SON: variants seen among roughly 807,000 people sequenced by gnomAD.
SON encodes the protein protein SON.
A neutral mutation model predicts 173.3 loss-of-function variants in SON; 4 were observed. That is an observed-to-expected ratio of 0.02 (90% CI 0.01 to 0.05). SON has a LOEUF of 0.05. Among genes scored for constraint, SON ranks in the 10% least tolerant of loss-of-function variants. The pLI is 1.00. For synonymous variants in SON, 1,190 were observed against 1,105.9 expected (o/e 1.08, Z -1.51); for missense variants, 2,626 against 3,055.3 (o/e 0.86, Z 3.31).
In SON at chr21:33,554,901, G is replaced by T; in HGVS notation, c.5670G>T (p.Lys1890Asn). 6.2e-7 allele frequency: 1 copy of T among 1,614,128 alleles called. No homozygotes were observed. ...SRGRRSVSKE[K>N]RKRSPKHRSK... ...GAAGAAGATCTGTATCAAAAGAGAA[G>T]CGCAAAAGATCTCCAAAGCACAGAT... Residue 1890 changes from lysine (K) to asparagine (N), a missense_variant, in exon 3 of 12, where the codon AAG (lysine) becomes AAT (asparagine). Transcript: ENST00000356577.
chr21:33,568,452 C>T (rs1225686367), intron 7 of SON, among the ~76,000 whole-genome samples: 1 of 152,186 alleles, frequency 6.6e-6, no homozygotes, highest in Non-Finnish European at 1.5e-5. Context: ...GCAGACATCG[C>T]ACCATTGCAC....
At chr21:33,544,701 A>G (rs1479383142) in intron 1 of SON, among the ~76,000 whole-genome samples, 2 of 152,300 alleles carry the variant, frequency 1.3e-5, no homozygotes, top group Non-Finnish European at 2.9e-5. Flanking sequence ...ACTGTTGCAT[A>G]TTTAGGTGGT....
chr21:33,567,453 GTTTA>G, intron 7 of SON, 186 bp downstream of exon 7: 1 of 579,230 alleles, frequency 1.7e-6, no homozygotes, highest in Non-Finnish European at 3.2e-6. Flanking sequence ...TTCAATAAAT[GTTTA>G]TTGTTTACTA....
At chr21:33,561,936 G>A (rs546145070) in intron 6 of SON, among the ~76,000 whole-genome samples, 5 of 152,206 alleles carry the variant, frequency 3.3e-5, no homozygotes, top group South Asian at 4.1e-4. Context: ...CTTGTGGGAC[G>A]ATATATGTAA....
rs768869880 is a variant in SON at position 33,553,348 on chromosome 21, G to C, written c.4117G>C (p.Val1373Leu). Residue 1373 changes from valine (V) to leucine (L), a missense_variant, in exon 3 of 12, where the codon GTG becomes CTG. Val to Leu is a conservative substitution (Grantham distance 32, BLOSUM62 1). This residue lies in a region of SON where 1,006 missense variants were observed against 895.6 expected (regional missense o/e 1.12). Coordinates refer to ENST00000356577, the MANE Select transcript of SON (RefSeq NM_138927.4). ...TGTGACCGTCCTGGAGTCTTCGACT[G>C]TGACTGTCCTGGAGTCTTCGACTGT... Reference protein sequence around the residue: ...SAVTVLESSTVTVLESSTVTV... With the variant: ...SAVTVLESSTLTVLESSTVTV... 1.9e-6 allele frequency: 3 copies of C among 1,585,924 alleles called. No homozygotes were observed. The Admixed American group carries it at 5.0e-5, about 27-fold the overall frequency.
At chr21:33,545,396 A>G (rs2085591083) in intron 1 of SON, among the ~76,000 whole-genome samples, 1 of 152,218 alleles carries the variant, frequency 6.6e-6, no homozygotes, top group African/African-American at 2.4e-5. Context: ...GTAGTGGAGC[A>G]TAATTGATGT....
At chr21:33,572,862 G>A (rs1290269162) in intron 8 of SON, among the ~76,000 whole-genome samples, 2 of 151,520 alleles carry the variant, frequency 1.3e-5, no homozygotes, top group African/African-American at 4.9e-5. Context: ...GATGACAACA[G>A]TATGCTTCTT....
rs753825067 is a variant in SON, at chr21:33,555,014, G to A, written c.5783G>A (p.Arg1928Gln). 17 of 1,613,158 alleles carry A rather than the reference G, an allele frequency of 1.1e-5. No individual in the cohort carries two copies. Among genetic ancestry groups the A allele is most frequent in the Admixed American group, 1.7e-5 (1 of 59,996 alleles). ...GCTCGAAGTCGAACCCCAAGTCGTC[G>A]GAGTCGGAGTCATACTCCAAGTCGT... is the stretch of plus-strand genomic sequence containing the variant. The part of the protein sequence containing the change: ...VRARSRTPSR[R>Q]SRSHTPSRRR... Residue 1928 changes from arginine to glutamine, a missense_variant, in exon 3 of 12, where the codon CGG becomes CAG. This residue lies in a region of SON where 138 missense variants were observed against 222.9 expected (regional missense o/e 0.62). Coordinates refer to ENST00000356577, the MANE Select transcript of SON (RefSeq NM_138927.4).
rs1219108108 is a variant in SON, at chr21:33,549,638, C to G, written c.407C>G (p.Ser136Cys). The change falls in exon 3 of 12, where the codon TCT becomes TGT. Residue 136 changes from serine to cysteine, a missense_variant. Around this residue, in one of 13 missense-constraint regions of SON, gnomAD observed 757 missense variants for 730.1 expected, o/e 1.04. Coordinates refer to ENST00000356577, the MANE Select transcript of SON (RefSeq NM_138927.4). ...AAATATAAAAGACAGCCAGAAGAAT[C>G]TGAGTCAAAGACGAAATCTCATGAT... ...EKKYKRQPEESESKTKSHDDG... is the reference protein window; with the variant it reads ...EKKYKRQPEECESKTKSHDDG... 1 of 1,608,038 alleles carries G rather than the reference C, an allele frequency of 6.2e-7. No homozygotes were observed. Among genetic ancestry groups the G allele is most frequent in the Non-Finnish European group, 8.5e-7 (1 of 1,178,376 alleles).
At chr21:33,557,697 C>G in intron 4 of SON, 1 of 1,451,316 alleles carries the variant, frequency 6.9e-7, no homozygotes, top group Non-Finnish European at 9.1e-7. Flanking sequence ...CGCAAAGACA[C>G]AGACAATCTT....
chr21:33,546,502 G>C (rs1172428020), intron 2 of SON, 123 bp downstream of exon 2: 1 of 756,742 alleles, frequency 1.3e-6, no homozygotes, highest in African/African-American at 1.8e-5. Context: ...ACTTTAGGCT[G>C]GGTGCGATGG....
Position 33,559,974 on chromosome 21 carries a change from A to G in SON, c.6657+199A>G, listed in dbSNP as rs1486380591. ...CGATGCAATTCACTTTGTGGAACCA[A>G]GCCACAAAGTGAAAAGCATCGAATT... is the stretch of plus-strand genomic sequence containing the variant. On this transcript the variant is annotated intron_variant, in intron 6 of 11. Coordinates refer to ENST00000356577, the MANE Select transcript of SON (RefSeq NM_138927.4). The surrounding 1 kb of genome is among the most constrained non-coding windows in gnomAD (Gnocchi z 4.1). 2 of 1,614,128 alleles carry G rather than the reference A, an allele frequency of 1.2e-6. No homozygotes were observed. Among genetic ancestry groups the G allele is most frequent in the African/African-American group, 1.3e-5 (1 of 75,052 alleles).
At chr21:33,568,327 G>A (rs1437944032) in intron 7 of SON, among the ~76,000 whole-genome samples, 3 of 152,096 alleles carry the variant, frequency 2.0e-5, no homozygotes, top group Non-Finnish European at 2.9e-5. Flanking sequence ...ACCCTGTCTC[G>A]ACTAAAAATA....
Position 33,554,631 on chromosome 21 carries a change from C to T in SON, c.5400C>T (p.His1800=), listed in dbSNP as rs201359372. 5.1e-5 allele frequency: 82 copies of T among 1,612,196 alleles called. No homozygotes were observed. Among genetic ancestry groups the T allele is most frequent in the Middle Eastern group, 1.6e-4 (1 of 6,076 alleles). Residue 1800 remains histidine (H), a synonymous_variant, in exon 3 of 12, where the codon CAC becomes CAT. Coordinates refer to ENST00000356577, the MANE Select transcript of SON (RefSeq NM_138927.4). ...TTTTTGTAAAAGTTAAGGACACTCA[C>T]GAAAAAAGCAAGAAAAATAAGAACC... ...YEIFVKVKDT[H]EKSKKNKNRD... is the part of the protein sequence containing the mutation.
At position 33,552,568 on chromosome 21, in the gene SON, T is replaced by C. The variant is rs773602109; in HGVS notation, c.3337T>C (p.Ser1113Pro). 7 of 1,614,116 alleles carry C rather than the reference T, an allele frequency of 4.3e-6. No homozygotes were observed. Among genetic ancestry groups the C allele is most frequent in the Admixed American group, 1.7e-5 (1 of 60,020 alleles). Residue 1113 changes from serine (S) to proline (P), a missense_variant, in exon 3 of 12, where the codon TCT becomes CCT. Ser to Pro is a moderately conservative substitution (Grantham distance 74). Transcript: ENST00000356577. The surrounding 1 kb of genome is among the most constrained non-coding windows in gnomAD (Gnocchi z 5.6). ...GTCATCGTACTCTGCAGCTGACCGATCTATGATGTCATCTTATACTGCTGA... is the reference window on the plus strand; with the variant it reads ...GTCATCGTACTCTGCAGCTGACCGACCTATGATGTCATCTTATACTGCTGA... ...MMSSYSAADR[S>P]MMSSYTADRS...
chr21:33,576,279 T>G (rs746329106), intron 11 of SON, 86 bp from the exon 12 acceptor site: 37 of 761,094 alleles, frequency 4.9e-5, no homozygotes, highest in Non-Finnish European at 7.8e-5. Context: ...TTTTGTAAAT[T>G]ATTTTTCTAG....
At position 33,554,661 on chromosome 21, in the gene SON, T is replaced by G; in HGVS notation, c.5430T>G (p.Asp1810Glu). The change falls in exon 3 of 12, where the codon GAT (aspartate) becomes GAG (glutamate). Residue 1810 changes from aspartate to glutamate, a missense_variant. Transcript: ENST00000356577. ...AAAGCAAGAAAAATAAGAACCGTGATAAGGGGGAGAAAGAGAAGAAAAGAG... is the reference window on the plus strand; with the variant it reads ...AAAGCAAGAAAAATAAGAACCGTGAGAAGGGGGAGAAAGAGAAGAAAAGAG... ...HEKSKKNKNR[D>E]KGEKEKKRDS... 3 of 1,613,650 alleles carry G rather than the reference T, an allele frequency of 1.9e-6. No homozygotes were observed. Among genetic ancestry groups the G allele is most frequent in the Non-Finnish European group, 2.5e-6 (3 of 1,179,958 alleles).
intron 8 of SON, chr21:33,572,571 C>CA (rs747968542): frequency 1.5e-6 from 2 of 1,304,182 alleles, no homozygotes; most frequent in Non-Finnish European, 2.0e-6. Flanking sequence ...TTGTAGCTGT[C>CA]TTCTTGCCCC....
rs767976220 is a variant in SON, at chr21:33,554,114, T to C, written c.4883T>C (p.Val1628Ala). ...CTCAGTTTAGTTAATAAATATGATG[T>C]TGATTTATCTTTAACTACTCAAGAT... ...STLSLVNKYD[V>A]DLSLTTQDTE... The change falls in exon 3 of 12, where the codon GTT (valine) becomes GCT (alanine). Residue 1628 changes from valine to alanine, a missense_variant. Coordinates refer to ENST00000356577, the MANE Select transcript of SON (RefSeq NM_138927.4). The C allele has an allele frequency of 1.2e-6, 2 of 1,613,438 alleles. No homozygotes were observed. The highest frequency in any genetic ancestry group is 4.5e-5 in the East Asian group (2 of 44,900).
Sources: allele counts gnomAD v4.1 joint callset (sites outside exome capture counted in the v4.1 genomes callset), GRCh38; gene constraint gnomAD v4.1.1; regional missense constraint gnomAD v4.1.1; non-coding constraint Gnocchi (gnomAD v3.1); transcripts MANE v1.5; gene names NCBI Gene and HGNC (gene_info 2026-07-23, HGNC 2026-07-21).